The following SULT1C4 variants were observed in gnomAD, a reference collection of about 807,000 sequenced individuals.
The protein encoded by SULT1C4 is sulfotransferase 1C4.
SULT1C4 carries 32 observed loss-of-function variants against 34.8 expected under a neutral mutation model. The ratio of observed to expected loss-of-function variants is 0.92; its 90% CI spans 0.69 to 1.23. The LOEUF (loss-of-function observed/expected upper bound fraction) is 1.23. Among genes scored for constraint, SULT1C4 ranks in the 50% most tolerant of loss-of-function variants. The probability of loss-of-function intolerance (pLI) is 0.00; values close to 1 mark genes in which losing one functional copy is unlikely to be tolerated. For missense variants in SULT1C4, 375 were observed against 365.9 expected, an observed-to-expected ratio of 1.02 and a Z score of -0.20; for synonymous variants, 111 against 120.5, an observed-to-expected ratio of 0.92 and a Z score of 0.51.
chr2:108,380,273 G>A (rs1308496392), intron 1 of SULT1C4, among the ~76,000 whole-genome samples: 1 of 152,152 alleles, frequency 6.6e-6, no homozygotes, highest in Admixed American at 6.5e-5. Context: ...CATCACTTTG[G>A]GAGGCCAAGA....
rs57444248 is a variant in SULT1C4, at chr2:108,387,795, A to ATT, written c.*381_*382dup. 78 of 140,732 alleles carry ATT rather than the reference A, an allele frequency of 5.5e-4. No individual in the cohort carries two copies. The highest frequency in any genetic ancestry group is 3.3e-3 in the Middle Eastern group (1 of 306). The allele number at this position is 140,732 out of a possible 1,614,324, so 8.7% of individuals were successfully genotyped here. A position where few individuals can be genotyped will look rare whatever the true frequency, so the allele number is the denominator to read the frequency against. On this transcript the variant is annotated 3_prime_UTR_variant, in exon 7 of 7. Transcript: ENST00000272452. ...TCAGATTAAGTTTTGGTTCAAGTTA[A>ATT]TTTTTTTTTTTTTTTTTTTGAGACG... is the stretch of plus-strand genomic sequence containing the variant.
chr2:108,382,142 A>G (rs540924773), intron 2 of SULT1C4: 3 of 569,092 alleles, frequency 5.3e-6, no homozygotes, highest in Admixed American at 3.6e-5. Flanking sequence ...CTCAAGTAAG[A>G]TAATCCTGGT....
chr2:108,378,652 G>A, intron 1 of SULT1C4, 146 bp downstream of exon 1: 1 of 839,730 alleles, frequency 1.2e-6, no homozygotes, highest in Admixed American at 3.1e-5. Context: ...GGAAACTGAA[G>A]CTATACCGAA....
At chr2:108,385,817 A>C (rs1157990030) in intron 5 of SULT1C4, among the ~76,000 whole-genome samples, 1 of 152,156 alleles carries the variant, frequency 6.6e-6, no homozygotes, top group Non-Finnish European at 1.5e-5. Flanking sequence ...AACAGGATGT[A>C]GCTTCCTCTG....
Position 108,383,224 on chromosome 2 carries a change from G to A in SULT1C4, c.520+5G>A. 5.6e-6 allele frequency: 9 copies of A among 1,607,936 alleles called. No individual in the cohort carries two copies. Among genetic ancestry groups the A allele is most frequent in the Non-Finnish European group, 7.6e-6 (9 of 1,178,610 alleles). ...AGACTTTTCTGGCTGGGAAAGGTGAGAGAATTTAGCTTTGTTTCCCTTCGT... is the reference window on the plus strand; with the variant it reads ...AGACTTTTCTGGCTGGGAAAGGTGAAAGAATTTAGCTTTGTTTCCCTTCGT... On this transcript the variant is annotated splice_donor_5th_base_variant and intron_variant, in intron 4 of 6. Coordinates refer to ENST00000272452, the MANE Select transcript of SULT1C4 (RefSeq NM_006588.4).
In SULT1C4 at chr2:108,387,559, ATTCACTCTAC is replaced by A; in HGVS notation, c.*129_*138del. The A allele has an allele frequency of 1.5e-6, 1 of 675,770 alleles. No homozygotes were observed. Among genetic ancestry groups the A allele is most frequent in the South Asian group, 2.3e-5 (1 of 43,190 alleles). The allele number at this position is 675,770 out of a possible 1,614,324, so 41.9% of individuals were successfully genotyped here. ...AGAATAGTTTACTGTGTTTGCTCTT[ATTCACTCTAC>A]TAAAAAATTATTTTAAAAGGCTGGA... On this transcript the variant is annotated 3_prime_UTR_variant, in exon 7 of 7. Coordinates refer to ENST00000272452, the MANE Select transcript of SULT1C4 (RefSeq NM_006588.4).
Position 108,378,209 on chromosome 2 carries a change from C to G in SULT1C4, c.-129C>G, listed in dbSNP as rs746556608. The G allele has an allele frequency of 4.8e-6, 4 of 838,738 alleles. No individual in the cohort carries two copies. Among genetic ancestry groups the G allele is most frequent in the Non-Finnish European group, 7.3e-6 (4 of 551,688 alleles). The allele number at this position is 838,738 out of a possible 1,614,324, so 52.0% of individuals were successfully genotyped here. ...CTTTCTCCCTGTTTGCTGGCCCAGA[C>G]AGGCCTGTGCTAGAGGGCTGGATAG... On this transcript the variant is annotated 5_prime_UTR_variant, in exon 1 of 7. Coordinates refer to ENST00000272452, the MANE Select transcript of SULT1C4 (RefSeq NM_006588.4).
chr2:108,384,518 C>G (rs527316903), intron 5 of SULT1C4, among the ~76,000 whole-genome samples: 3 of 152,318 alleles, frequency 2.0e-5, no homozygotes, highest in South Asian at 4.1e-4. Flanking sequence ...TGAGCCACCA[C>G]GCCCAGCCAA....
chr2:108,385,593 G>A (rs1017686529), intron 5 of SULT1C4, among the ~76,000 whole-genome samples: 2 of 152,208 alleles, frequency 1.3e-5, no homozygotes, highest in East Asian at 1.9e-4. Flanking sequence ...AGATGGAGGC[G>A]TCCCACAGCC....
chr2:108,382,439 C>G lies in SULT1C4; in HGVS notation c.350C>G (p.Pro117Arg). The change falls in exon 3 of 7, where the codon CCC (proline) becomes CGC (arginine). Residue 117 changes from proline (P) to arginine (R), a missense_variant. Transcript: ENST00000272452. ...PSPRILKTHL[P>R]FHLLPPSLLE... ...CCACGGATCCTGAAAACACATCTTC[C>G]CTTTCACTTGCTGCCACCATCCTTG... The G allele has an allele frequency of 5.6e-6, 9 of 1,614,068 alleles. No individual in the cohort carries two copies. Among genetic ancestry groups the G allele is most frequent in the Non-Finnish European group, 7.6e-6 (9 of 1,179,988 alleles).
intron 6 of SULT1C4, 37 bp from the exon 7 acceptor site, chr2:108,387,283 A>T (rs1193082430): frequency 6.7e-7 from 1 of 1,502,292 alleles, no homozygotes; most frequent in African/African-American, 1.4e-5. Context: ...GACTCTTCCA[A>T]CAGCTACTGA....
At chr2:108,386,755 C>A (rs1678578222) in intron 6 of SULT1C4, among the ~76,000 whole-genome samples, 1 of 152,192 alleles carries the variant, frequency 6.6e-6, no homozygotes, top group Non-Finnish European at 1.5e-5. Flanking sequence ...ACTGTTCTAG[C>A]CACTGTTTGC....
At position 108,378,440 on chromosome 2, in the gene SULT1C4, T is replaced by C; in HGVS notation, c.103T>C (p.Trp35Arg). Residue 35 changes from tryptophan to arginine, a missense_variant, in exon 1 of 7, where the codon TGG becomes CGG. By Grantham distance (101) the Trp-to-Arg change is moderately radical. Coordinates refer to ENST00000272452, the MANE Select transcript of SULT1C4 (RefSeq NM_006588.4). Reference sequence around the variant, plus strand: ...TCAACCGACAGACACCTGTGACATCTGGGATAAGATCTGGAACTTCCAAGC... The same window carrying C: ...TCAACCGACAGACACCTGTGACATCCGGGATAAGATCTGGAACTTCCAAGC... ...ILQPTDTCDI[W>R]DKIWNFQAKP... 3 of 1,614,190 alleles carry C rather than the reference T, an allele frequency of 1.9e-6. No individual in the cohort carries two copies. The highest frequency in any genetic ancestry group is 1.7e-6 in the Non-Finnish European group (2 of 1,180,020).
At position 108,388,435 on chromosome 2, in the gene SULT1C4, C is replaced by G. The variant is rs1678627024; in HGVS notation, c.*1003C>G. On this transcript the variant is annotated 3_prime_UTR_variant, in exon 7 of 7. Coordinates refer to ENST00000272452, the MANE Select transcript of SULT1C4 (RefSeq NM_006588.4). ...TTAAAATATTTCCGTCTAACCATTC[C>G]TTGTTTTCCTTCTATTTCTATAGCC... Among the ~76,000 whole-genome samples the G allele has an allele frequency of 6.6e-6, 1 of 152,182 alleles. No individual in the cohort carries two copies. The highest frequency in any genetic ancestry group is 1.5e-5 in the Non-Finnish European group (1 of 68,036).
chr2:108,386,458 G>C lies in SULT1C4; in HGVS notation c.796+86G>C. The C allele has an allele frequency of 3.9e-6, 4 of 1,017,690 alleles. No homozygotes were observed. The South Asian group carries it at 1.6e-4, about 41-fold the overall frequency. The allele number at this position is 1,017,690 out of a possible 1,614,324, so 63.0% of individuals were successfully genotyped here. On this transcript the variant is annotated intron_variant, in intron 6 of 6. Coordinates refer to ENST00000272452, the MANE Select transcript of SULT1C4 (RefSeq NM_006588.4). ...GAGGAGTTTTCTTTCCTGTGTCTAG[G>C]AAAAATAATATCTGTAATAAATGAT...
intron 5 of SULT1C4, 90 bp downstream of exon 5, chr2:108,383,600 CG>C: frequency 8.6e-7 from 1 of 1,159,532 alleles, no homozygotes; most frequent in Non-Finnish European, 1.2e-6. Context: ...CAGATTGATG[CG>C]GGGAACCGAA....
intron 1 of SULT1C4, among the ~76,000 whole-genome samples, chr2:108,379,242 A>AAC (rs1420938255): frequency 2.0e-5 from 3 of 152,116 alleles, no homozygotes; most frequent in Admixed American, 6.5e-5. Context: ...TACACACACA[A>AAC]ACACACACAC....
intron 5 of SULT1C4, 129 bp downstream of exon 5, chr2:108,383,639 G>T: frequency 2.8e-6 from 2 of 721,580 alleles, no homozygotes; most frequent in Non-Finnish European, 2.2e-6. Flanking sequence ...GGTTACAGCT[G>T]TCATTTGTCA....
intron 3 of SULT1C4, 188 bp downstream of exon 3, chr2:108,382,670 G>A: frequency 1.8e-6 from 1 of 559,226 alleles, no homozygotes; most frequent in Admixed American, 3.1e-5. Context: ...TTGGGAGACT[G>A]AGATGGGTGG....
Sources: gnomAD v4.1 joint callset for allele counts (sites outside exome capture counted in the v4.1 genomes callset) on GRCh38, gnomAD v4.1.1 for gene constraint, MANE v1.5 for transcripts, NCBI Gene and HGNC (gene_info 2026-07-23, HGNC 2026-07-21) for gene names.